USH2A: variants seen among roughly 807,000 people sequenced by gnomAD.
The protein encoded by USH2A is Usher syndrome 2A (autosomal recessive, mild).
USH2A carries 443 observed loss-of-function variants against 538.9 expected under a neutral mutation model. That is an observed-to-expected ratio of 0.82 (90% confidence interval 0.76 to 0.89). The LOEUF is 0.89. Ranked by LOEUF, USH2A falls within the 40% of genes least tolerant of loss-of-function variation. The probability of loss-of-function intolerance (pLI) is 0.00; values close to 1 mark genes in which losing one functional copy is unlikely to be tolerated. For missense variants in USH2A, 6,633 were observed against 6,324.8 expected, an observed-to-expected ratio of 1.05 and a Z score of -1.65; for synonymous variants, 2,413 against 2,273.5, an observed-to-expected ratio of 1.06 and a Z score of -1.75.
chr1:215,914,279 C>T (rs1029915918), intron 38 of USH2A, among the ~76,000 whole-genome samples: 10 of 151,810 alleles, frequency 6.6e-5, no homozygotes, highest in African/African-American at 2.4e-4. Context: ...AGTTACCAAT[C>T]AATACATTTT....
chr1:216,168,254 C>A (rs1357279533), intron 21 of USH2A, among the ~76,000 whole-genome samples: 1 of 151,954 alleles, frequency 6.6e-6, no homozygotes, highest in Non-Finnish European at 1.5e-5. Flanking sequence ...TATATTGATA[C>A]AAAATATCAT....
Position 216,324,386 on chromosome 1 carries a change from T to G in USH2A, c.1144-34A>C, listed in dbSNP as rs747600070. On this transcript the variant is annotated intron_variant, in intron 6 of 71. Transcript: ENST00000307340. ...GGAAAGTTAATTAATGTAATTAAAGTTTTAAGTTTAACCATCAGTATATAT... is the reference window on the plus strand; with the variant it reads ...GGAAAGTTAATTAATGTAATTAAAGGTTTAAGTTTAACCATCAGTATATAT... The G allele has an allele frequency of 3.2e-6, 5 of 1,564,718 alleles. No individual in the cohort carries two copies. The South Asian group carries it at 5.7e-5, about 18-fold the overall frequency.
chr1:216,145,201 G>T (rs889043785), intron 21 of USH2A, among the ~76,000 whole-genome samples: 2 of 152,042 alleles, frequency 1.3e-5, no homozygotes, highest in Non-Finnish European at 2.9e-5. Context: ...CAGACCAACT[G>T]GTTAGCTCTA....
At chr1:216,161,377 A>T (rs192891651) in intron 21 of USH2A, among the ~76,000 whole-genome samples, 157 of 152,180 alleles carry the variant, frequency 1.0e-3, no homozygotes, top group Non-Finnish European at 1.8e-3. Flanking sequence ...CTTTGGCATC[A>T]TAATCTGAAT....
At chr1:216,033,125 G>T (rs944995409) in intron 32 of USH2A, among the ~76,000 whole-genome samples, 1 of 152,176 alleles carries the variant, frequency 6.6e-6, no homozygotes, top group Non-Finnish European at 1.5e-5. Context: ...TCCCTTGGAA[G>T]TCATGTGTTA....
chr1:215,732,787 C>T (rs1660042501), intron 60 of USH2A, among the ~76,000 whole-genome samples: 1 of 151,802 alleles, frequency 6.6e-6, no homozygotes, highest in African/African-American at 2.4e-5. Context: ...GTGATCTGCC[C>T]TCTTCAGCCT....
intron 64 of USH2A, among the ~76,000 whole-genome samples, chr1:215,656,332 A>C (rs1281372337): frequency 2.0e-5 from 3 of 152,200 alleles, no homozygotes. Flanking sequence ...AAACCCCTAA[A>C]TTGTGAAAAT....
At position 216,374,108 on chromosome 1, in the gene USH2A, TG is replaced by T. The variant is rs528904234; in HGVS notation, c.652-9024del. Reference sequence around the variant, plus strand: ...TCACACACTGGGGACTTTTGTGGGGTGGGGGGAGGGGGGAGGGATAGCATTG... The same window carrying T: ...TCACACACTGGGGACTTTTGTGGGGTGGGGGAGGGGGGAGGGATAGCATTG... On this transcript the variant is annotated intron_variant, in intron 3 of 71. Coordinates refer to ENST00000307340, the MANE Select transcript of USH2A (RefSeq NM_206933.4). 6.3e-3 allele frequency among the ~76,000 whole-genome samples: 334 copies of T among 53,318 alleles called. 4 individuals are homozygous for T. The highest frequency in any genetic ancestry group is 9.4e-3 in the Non-Finnish European group (277 of 29,408). The allele number at this position is 53,318 out of a possible 152,430, so 35.0% of individuals were successfully genotyped here.
chr1:215,695,931 T>C (rs1286116024), intron 61 of USH2A, among the ~76,000 whole-genome samples: 1 of 151,910 alleles, frequency 6.6e-6, no homozygotes. Context: ...ATTTTTTTTT[T>C]AGAGACAGGG....
At chr1:215,631,603 T>TCCACCCGGTGCCCTGGTGTATC (rs1656285665) in intron 70 of USH2A, among the ~76,000 whole-genome samples, 1 of 152,192 alleles carries the variant, frequency 6.6e-6, no homozygotes, top group South Asian at 2.1e-4. Context: ...TCAGGGGAAT[T>TCCACCCGGTGCCCTGGTGTATC]CCACCCGGTG....
At chr1:215,745,817 A>G (rs1333217542) in intron 58 of USH2A, among the ~76,000 whole-genome samples, 1 of 152,196 alleles carries the variant, frequency 6.6e-6, no homozygotes, top group Non-Finnish European at 1.5e-5. Flanking sequence ...AAAAATGACA[A>G]GATAGGTTTG....
Position 215,900,196 on chromosome 1 carries a change from T to G in USH2A, c.7473A>C (p.Ala2491=). ...GATCACTCACTTCATAGCTTAACGA[T>G]GCAGAAGGATTGGAAAATAACCTGT... ...GFLELFSNPS[A]SLSYEVSDLQ... is the part of the protein sequence containing the mutation. Residue 2491 remains alanine, a synonymous_variant, in exon 40 of 72, where the codon GCA becomes GCC. Transcript: ENST00000307340. 6.2e-7 allele frequency: 1 copy of G among 1,613,616 alleles called. No individual in the cohort carries two copies. The highest frequency in any genetic ancestry group is 8.5e-7 in the Non-Finnish European group (1 of 1,179,730).
chr1:216,253,175 T>C lies in USH2A; in HGVS notation c.1972-2077A>G, dbSNP rs189806010. 1.9e-4 allele frequency among the ~76,000 whole-genome samples: 29 copies of C among 149,918 alleles called. No homozygotes were observed. In the East Asian group the frequency reaches 5.7e-3, roughly 29 times the overall value. On this transcript the variant is annotated intron_variant, in intron 11 of 71. Coordinates refer to ENST00000307340, the MANE Select transcript of USH2A (RefSeq NM_206933.4). ...TCTTTTTTTTTTTTTTGAGATGGAG[T>C]TTAACTCTTGAAAAATGATTGAAAC...
chr1:215,950,108 A>G (rs1666876336), intron 37 of USH2A, among the ~76,000 whole-genome samples: 1 of 152,198 alleles, frequency 6.6e-6, no homozygotes, highest in Non-Finnish European at 1.5e-5. Context: ...TTTGCCATGC[A>G]TATCAAGTGT....
At chr1:216,082,400 A>G (rs2031979409) in intron 26 of USH2A, among the ~76,000 whole-genome samples, 2 of 151,858 alleles carry the variant, frequency 1.3e-5, no homozygotes, top group South Asian at 4.1e-4. Flanking sequence ...AATAAATACT[A>G]TGAAGGGATA....
Position 215,779,977 on chromosome 1 carries a change from C to T in USH2A, c.10805G>A (p.Ser3602Asn). ...SILPPSITAL[S>N]AVALHLSWSV... ...CCAGCTCAGATGCAGAGCCACTGCA[C>T]TTAGGGCTGTGATGCTTGGTGGCAG... is the stretch of plus-strand genomic sequence containing the variant. The change falls in exon 55 of 72, where the codon AGT (serine) becomes AAT (asparagine). Residue 3602 changes from serine to asparagine, a missense_variant. Physicochemically the swap from Ser to Asn is conservative, Grantham distance 46. Coordinates refer to ENST00000307340, the MANE Select transcript of USH2A (RefSeq NM_206933.4). The T allele has an allele frequency of 6.2e-7, 1 of 1,614,124 alleles. No homozygotes were observed. Among genetic ancestry groups the T allele is most frequent in the Non-Finnish European group, 8.5e-7 (1 of 1,180,022 alleles).
intron 19 of USH2A, among the ~76,000 whole-genome samples, chr1:216,194,978 A>C (rs139246231): frequency 6.6e-6 from 1 of 152,244 alleles, no homozygotes; most frequent in Non-Finnish European, 1.5e-5. Context: ...GCACACATAG[A>C]AAGAGAATCA....
intron 3 of USH2A, among the ~76,000 whole-genome samples, chr1:216,368,822 C>T (rs2102713994): frequency 6.6e-6 from 1 of 152,098 alleles, no homozygotes; most frequent in East Asian, 1.9e-4. Context: ...ATTTTTGGAC[C>T]TTCTCTGTGT....
chr1:215,988,180 C>G (rs1558196771), intron 35 of USH2A, among the ~76,000 whole-genome samples: 1 of 150,574 alleles, frequency 6.6e-6, no homozygotes, highest in Non-Finnish European at 1.5e-5. Context: ...AACAGCAACT[C>G]TCCATTTCCC....
Sources: gnomAD v4.1 joint callset for allele counts (sites outside exome capture counted in the v4.1 genomes callset) on GRCh38, gnomAD v4.1.1 for gene constraint, MANE v1.5 for transcripts, NCBI Gene and HGNC (gene_info 2026-07-23, HGNC 2026-07-21) for gene names.